The following CFAP74 variants were observed in gnomAD, a reference collection of about 807,000 sequenced individuals.
CFAP74 encodes cilia and flagella associated protein 74, also known as cilia- and flagella-associated protein 74.
In CFAP74, 124 loss-of-function variants were observed where a neutral mutation model predicts 188.9. That is an observed-to-expected ratio of 0.66 (90% CI 0.57 to 0.76). CFAP74 has a LOEUF of 0.76. Ranked by LOEUF, CFAP74 falls within the 30% of genes least tolerant of loss-of-function variation. The pLI is 0.00. For synonymous variants in CFAP74, 956 were observed against 916.7 expected (o/e 1.04, Z -0.77); for missense variants, 2,198 against 2,165.2 (o/e 1.02, Z -0.30).
chr1:1,946,297 G>T lies in CFAP74; in HGVS notation c.2364+20C>A. ...GCAGGGGCCAGGGTGTGTGCGTGGC[G>T]TGGCAGCAGGAATACTCACCGTGGG... On this transcript the variant is annotated intron_variant, in intron 20 of 38. Transcript: ENST00000682832. 1 of 1,527,864 alleles carries T rather than the reference G, an allele frequency of 6.5e-7. No individual in the cohort carries two copies. Among genetic ancestry groups the T allele is most frequent in the Non-Finnish European group, 8.8e-7 (1 of 1,141,314 alleles). The allele number at this position is 1,527,864 out of a possible 1,614,324, so 94.6% of individuals were successfully genotyped here. A position where few individuals can be genotyped will look rare whatever the true frequency, so the allele number is the denominator to read the frequency against.
At chr1:1,990,790 C>A in intron 2 of CFAP74, 100 bp downstream of exon 2, 3 of 812,104 alleles carry the variant, frequency 3.7e-6, no homozygotes, top group South Asian at 1.8e-5. Context: ...TAAAAGATAC[C>A]CTCTCCCAGA....
chr1:2,001,438 T>C (rs1180591000), intron 1 of CFAP74, among the ~76,000 whole-genome samples: 1 of 152,046 alleles, frequency 6.6e-6, no homozygotes, highest in Non-Finnish European at 1.5e-5. Flanking sequence ...CACGCCATTC[T>C]CCTGCCTCAG....
chr1:1,954,901 C>T lies in CFAP74; in HGVS notation c.2176+790G>A, dbSNP rs1218257364. ...CTCACACACAGGCCAAGGGGCAGTG[C>T]AGAACGGCCTTCGCAACAGTGTGTA... On this transcript the variant is annotated intron_variant, in intron 18 of 38. Transcript: ENST00000682832. The T allele has an allele frequency of 1.6e-5, 17 of 1,062,068 alleles. No individual in the cohort carries two copies. The South Asian group carries it at 2.7e-4, about 17-fold the overall frequency. 65.8% of individuals were successfully genotyped at this position (1,062,068 alleles called of 1,614,324 possible). A position where few individuals can be genotyped will look rare whatever the true frequency, so the allele number is the denominator to read the frequency against.
At chr1:1,948,970 C>CT (rs1654006249) in intron 18 of CFAP74, among the ~76,000 whole-genome samples, 2 of 84,570 alleles carry the variant, frequency 2.4e-5, no homozygotes, top group African/African-American at 5.3e-5. Flanking sequence ...CCCTTCCTTC[C>CT]TCCTTCCCTC....
chr1:1,968,898 A>C lies in CFAP74; in HGVS notation c.1047-65T>G. 6.6e-7 allele frequency: 1 copy of C among 1,520,542 alleles called. No homozygotes were observed. Among genetic ancestry groups the C allele is most frequent in the Non-Finnish European group, 9.0e-7 (1 of 1,107,868 alleles). The allele number at this position is 1,520,542 out of a possible 1,614,324, so 94.2% of individuals were successfully genotyped here. On this transcript the variant is annotated intron_variant, in intron 10 of 38. Coordinates refer to ENST00000682832, the MANE Select transcript of CFAP74 (RefSeq NM_001304360.2). This position sits in a 1 kb window ranked among gnomAD's most constrained non-coding sequence, Gnocchi z 4.3. ...CTGCCTCCACCTTGCCCCAGATGAG[A>C]CAGTGCCCGGCGGCCCCTCCCTAGC... is the stretch of plus-strand genomic sequence containing the variant.
intron 25 of CFAP74, among the ~76,000 whole-genome samples, chr1:1,938,179 A>G (rs1367142700): frequency 6.7e-6 from 1 of 150,288 alleles, no homozygotes; most frequent in East Asian, 1.9e-4. Flanking sequence ...ACACCCACAT[A>G]CAAGCACTCA....
chr1:1,924,630 G>T, intron 33 of CFAP74, 110 bp from the exon 34 acceptor site: 4 of 1,286,702 alleles, frequency 3.1e-6, no homozygotes, highest in African/African-American at 1.5e-5. Flanking sequence ...CCCAAGTGGG[G>T]ACCCGGGTGG....
intron 27 of CFAP74, chr1:1,928,054 C>T (rs1652058629): frequency 4.7e-6 from 2 of 425,292 alleles, no homozygotes; most frequent in Non-Finnish European, 8.8e-6. Flanking sequence ...CCGCGGAAGG[C>T]CGAAGGCAAG....
chr1:1,983,402 C>T (rs1463034597), intron 6 of CFAP74, among the ~76,000 whole-genome samples: 2 of 152,226 alleles, frequency 1.3e-5, no homozygotes, highest in African/African-American at 4.8e-5. Context: ...GCAGCCATCA[C>T]GTGTCCCATG....
intron 3 of CFAP74, 103 bp from the exon 4 acceptor site, chr1:1,988,758 G>GGCGGGAGCT (rs1459413903): frequency 4.8e-6 from 7 of 1,464,968 alleles, no homozygotes; most frequent in Non-Finnish European, 6.5e-6. Flanking sequence ...TCTGCTTCAG[G>GGCGGGAGCT]GCGGGAGCTG....
chr1:1,922,698 A>G lies in CFAP74; in HGVS notation c.4709T>C (p.Val1570Ala). 1 of 1,601,758 alleles carries G rather than the reference A, an allele frequency of 6.2e-7. No individual in the cohort carries two copies. The highest frequency in any genetic ancestry group is 8.5e-7 in the Non-Finnish European group (1 of 1,173,260). Residue 1570 changes from valine to alanine, a missense_variant, in exon 38 of 39, where the codon GTC becomes GCC. Transcript: ENST00000682832. ...GAAACCCTTGTGCTGCAGGGATGCG[A>G]CGCTGTCTATGCTGAACTCAACGGT... ...KKTVEFSIDSVASLQHKGFSI... is the reference protein window; with the variant it reads ...KKTVEFSIDSAASLQHKGFSI...
chr1:1,930,460 T>TGTGA, intron 25 of CFAP74, 124 bp from the exon 26 acceptor site: 5 of 946,556 alleles, frequency 5.3e-6, no homozygotes, highest in Non-Finnish European at 7.5e-6. Context: ...TGCACGTTCC[T>TGTGA]GCTGCCCAGG....
chr1:1,933,188 T>C (rs1652560801), intron 25 of CFAP74, among the ~76,000 whole-genome samples: 1 of 131,646 alleles, frequency 7.6e-6, no homozygotes, highest in Admixed American at 7.8e-5. Context: ...GCCTGACCTT[T>C]TTTTTTTTTT....
intron 22 of CFAP74, among the ~76,000 whole-genome samples, chr1:1,940,633 G>A (rs1653304989): frequency 6.6e-6 from 1 of 152,154 alleles, no homozygotes; most frequent in African/African-American, 2.4e-5. Flanking sequence ...AGTCACTCCC[G>A]GGAGCAACAC....
Position 1,923,538 on chromosome 1 carries a change from C to T in CFAP74, c.4390-39G>A, listed in dbSNP as rs771246559. The T allele has an allele frequency of 1.4e-5, 22 of 1,592,518 alleles. No homozygotes were observed. The highest frequency in any genetic ancestry group is 1.7e-4 in the Middle Eastern group (1 of 5,976). On this transcript the variant is annotated intron_variant, in intron 35 of 38. Transcript: ENST00000682832. The surrounding 1 kb of genome is among the most constrained non-coding windows in gnomAD (Gnocchi z 6.3). ...GTGGAGTGGCCTTGTCCCCGAAGCT[C>T]GGCGGCAGGGGTCCTGCTGGTGAGA...
At chr1:1,999,354 G>C (rs1198336141) in intron 1 of CFAP74, among the ~76,000 whole-genome samples, 1 of 152,154 alleles carries the variant, frequency 6.6e-6, no homozygotes, top group African/African-American at 2.4e-5. Flanking sequence ...GTCTCACGTG[G>C]ATTAAAGACT....
At chr1:1,926,388 G>T (rs371092754) in intron 31 of CFAP74, 41 bp from the exon 32 acceptor site, 33 of 1,550,118 alleles carry the variant, frequency 2.1e-5, no homozygotes, top group Admixed American at 7.8e-5. Context: ...GTGTCTGCAG[G>T]CTCTACCACG....
intron 16 of CFAP74, 125 bp from the exon 17 acceptor site, chr1:1,956,909 A>G: frequency 1.1e-6 from 1 of 943,288 alleles, no homozygotes; most frequent in South Asian, 1.6e-5. Flanking sequence ...GCACTGCACA[A>G]GCAGGTACAC....
At chr1:1,936,906 C>CAAA (rs34360920) in intron 25 of CFAP74, among the ~76,000 whole-genome samples, 39 of 136,850 alleles carry the variant, frequency 2.8e-4, no homozygotes, top group African/African-American at 7.3e-4. Flanking sequence ...GACCCTGTCT[C>CAAA]AAAAAAAAAA....
Sources: gnomAD v4.1 joint callset for allele counts (sites outside exome capture counted in the v4.1 genomes callset) on GRCh38, gnomAD v4.1.1 for gene constraint, Gnocchi (gnomAD v3.1) non-coding constraint, MANE v1.5 for transcripts, NCBI Gene and HGNC (gene_info 2026-07-23, HGNC 2026-07-21) for gene names.